RGS6: variants seen among roughly 807,000 people sequenced by gnomAD.
RGS6 encodes regulator of G-protein signaling 6.
Under a neutral mutation model 78.5 loss-of-function variants are expected in RGS6, and 30 were observed. That is an observed-to-expected ratio of 0.38 (90% CI 0.29 to 0.52). The LOEUF is 0.52. Among genes scored for constraint, RGS6 ranks in the 20% least tolerant of loss-of-function variants. The probability of loss-of-function intolerance (pLI) is 0.85; values close to 1 mark genes in which losing one functional copy is unlikely to be tolerated. For missense variants in RGS6, 495 were observed against 609.7 expected (o/e 0.81, Z 1.98); for synonymous variants, 206 against 206.0 (o/e 1.00, Z 0.00).
chr14:72,509,738 G>T (rs1225976356), intron 13 of RGS6, among the ~76,000 whole-genome samples: 1 of 152,196 alleles, frequency 6.6e-6, no homozygotes, highest in African/African-American at 2.4e-5. Context: ...TCTCCCCTGA[G>T]GATTGAGGAA....
At chr14:72,162,791 C>CAT (rs773633291) in intron 2 of RGS6, among the ~76,000 whole-genome samples, 24 of 152,054 alleles carry the variant, frequency 1.6e-4, no homozygotes, top group East Asian at 9.6e-4. Context: ...GTGAGATACA[C>CAT]ATATATATAT....
the RGS6 span, among the ~76,000 whole-genome samples, chr14:71,901,914 A>G: frequency 6.6e-6 from 1 of 152,234 alleles, no homozygotes; most frequent in Non-Finnish European, 1.5e-5. Flanking sequence ...ATGTGAAGAA[A>G]ACCTTTTGCA....
Position 72,223,437 on chromosome 14 carries a change from A to G in RGS6, c.85-128658A>G, listed in dbSNP as rs532851806. The stretch of plus-strand genomic sequence containing the variant: ...ATTAAAATTTCCATTCATTATAGTC[A>G]TTAGTCTCTGCCAGTGATAAGGTTG... On this transcript the variant is annotated intron_variant, in intron 2 of 17. Transcript: ENST00000553525. 5.9e-5 allele frequency among the ~76,000 whole-genome samples: 9 copies of G among 152,360 alleles called. No homozygotes were observed. In the East Asian group the frequency reaches 1.4e-3, roughly 23 times the overall value.
the RGS6 span, among the ~76,000 whole-genome samples, chr14:72,597,583 C>T: frequency 6.6e-6 from 1 of 152,170 alleles, no homozygotes; most frequent in African/African-American, 2.4e-5. Context: ...GAATCAGGCT[C>T]CTGACAGACG....
At chr14:72,292,631 C>T (rs1463106854) in intron 2 of RGS6, among the ~76,000 whole-genome samples, 1 of 152,216 alleles carries the variant, frequency 6.6e-6, no homozygotes, top group East Asian at 1.9e-4. Flanking sequence ...GCAGGCCTGA[C>T]CTGCTCTTGT....
At chr14:72,504,858 A>C (rs1003844011) in intron 13 of RGS6, among the ~76,000 whole-genome samples, 8 of 149,110 alleles carry the variant, frequency 5.4e-5, no homozygotes, top group Admixed American at 5.4e-4. Context: ...GGTTCAAGCA[A>C]TTCTCCTTCC....
chr14:71,884,942 C>G, the RGS6 span, among the ~76,000 whole-genome samples: 2 of 152,236 alleles, frequency 1.3e-5, no homozygotes, highest in Non-Finnish European at 2.9e-5. Flanking sequence ...TTTTTGCCTC[C>G]TGAAATTTTG....
At chr14:72,396,113 C>T (rs1213332867) in intron 3 of RGS6, among the ~76,000 whole-genome samples, 4 of 152,240 alleles carry the variant, frequency 2.6e-5, no homozygotes, top group Admixed American at 1.3e-4. Flanking sequence ...GCCACACCAA[C>T]TTCCACAATG....
At chr14:72,509,017 C>G (rs1280135793) in intron 13 of RGS6, among the ~76,000 whole-genome samples, 1 of 152,182 alleles carries the variant, frequency 6.6e-6, no homozygotes, top group Non-Finnish European at 1.5e-5. Flanking sequence ...AATGCCCATT[C>G]TTTAGTCTGA....
At chr14:72,475,483 C>T (rs1448425575) in intron 10 of RGS6, among the ~76,000 whole-genome samples, 1 of 152,110 alleles carries the variant, frequency 6.6e-6, no homozygotes, top group African/African-American at 2.4e-5. Flanking sequence ...GTAATCCCAA[C>T]ACTTGGGAGG....
At chr14:71,986,255 G>C (rs567227282) in intron 2 of RGS6, among the ~76,000 whole-genome samples, 1 of 152,296 alleles carries the variant, frequency 6.6e-6, no homozygotes, top group South Asian at 2.1e-4. Context: ...CTGCATGAAA[G>C]GAGTAGACCT....
rs192558828 is a variant in RGS6 at position 72,508,465 on chromosome 14, C to T, written c.966-1689C>T. On this transcript the variant is annotated intron_variant, in intron 13 of 17. Transcript: ENST00000553525. Reference sequence around the variant, plus strand: ...GGCTAGTGGCTGCCATATTGGAGAGCACGGTTATGGGATATTTTCATCATT... The same window carrying T: ...GGCTAGTGGCTGCCATATTGGAGAGTACGGTTATGGGATATTTTCATCATT... 1.1e-3 allele frequency among the ~76,000 whole-genome samples: 170 copies of T among 151,378 alleles called. 3 individuals carry two copies. In the South Asian group the frequency reaches 0.021, roughly 18 times the overall value.
intron 2 of RGS6, among the ~76,000 whole-genome samples, chr14:72,084,273 A>G (rs995888676): frequency 1.3e-5 from 2 of 152,162 alleles, no homozygotes; most frequent in East Asian, 1.9e-4. Flanking sequence ...TGAGAATCCA[A>G]TGCCCCCACT....
At chr14:72,290,145 C>T (rs912300009) in intron 2 of RGS6, among the ~76,000 whole-genome samples, 5 of 152,212 alleles carry the variant, frequency 3.3e-5, no homozygotes, top group East Asian at 3.9e-4. Context: ...ATAAAGAAAT[C>T]GAGATTTTAT....
chr14:72,335,374 T>C (rs1416933319), intron 2 of RGS6, among the ~76,000 whole-genome samples: 1 of 152,166 alleles, frequency 6.6e-6, no homozygotes, highest in Admixed American at 6.5e-5. Flanking sequence ...GGTTCCCTGA[T>C]GAGAGTTAGT....
the RGS6 span, among the ~76,000 whole-genome samples, chr14:71,871,316 T>C: frequency 6.6e-6 from 1 of 152,140 alleles, no homozygotes; most frequent in African/African-American, 2.4e-5. Flanking sequence ...TCACAAAAAA[T>C]AGAGGCCAAC....
chr14:72,093,711 T>C (rs1383914050), intron 2 of RGS6, among the ~76,000 whole-genome samples: 2 of 152,226 alleles, frequency 1.3e-5, no homozygotes, highest in East Asian at 3.9e-4. Context: ...CTAGGTGTTT[T>C]CCTTTCTGTT....
chr14:72,451,500 TG>T (rs772813036), intron 3 of RGS6, among the ~76,000 whole-genome samples: 22 of 151,582 alleles, frequency 1.5e-4, no homozygotes, highest in Non-Finnish European at 2.8e-4. Context: ...TTGGGGTGGT[TG>T]GGGGGAGCGG....
intron 2 of RGS6, among the ~76,000 whole-genome samples, chr14:72,023,677 C>A (rs1364972258): frequency 6.6e-6 from 1 of 152,142 alleles, no homozygotes; most frequent in Non-Finnish European, 1.5e-5. Flanking sequence ...GCTAAAACTT[C>A]CAAAACAGAA....
Sources: gnomAD v4.1 joint callset for allele counts (sites outside exome capture counted in the v4.1 genomes callset) on GRCh38, gnomAD v4.1.1 for gene constraint, MANE v1.5 for transcripts, NCBI Gene and HGNC (gene_info 2026-07-23, HGNC 2026-07-21) for gene names.